Variants in CSTPP1 observed in about 807,000 individuals in gnomAD.
CSTPP1 encodes UPF0705 protein C11orf49.
the CSTPP1 span, among the ~76,000 whole-genome samples, chr11:47,072,321 G>A: frequency 1.3e-5 from 2 of 152,302 alleles, no homozygotes; most frequent in Admixed American, 6.5e-5. Flanking sequence ...TAGGTTGCAA[G>A]CTGTTTTTCT....
the CSTPP1 span, among the ~76,000 whole-genome samples, chr11:46,943,196 A>ACTTATTAAG: frequency 6.6e-6 from 1 of 152,208 alleles, no homozygotes; most frequent in East Asian, 1.9e-4. Flanking sequence ...AGCAACCGAG[A>ACTTATTAAG]CTTATTAAGA....
At chr11:47,122,615 C>G in the CSTPP1 span, among the ~76,000 whole-genome samples, 1 of 152,070 alleles carries the variant, frequency 6.6e-6, no homozygotes, top group Non-Finnish European at 1.5e-5. Flanking sequence ...CAGAGTCTTG[C>G]TCTGTCACCC....
chr11:47,127,022 A>G, the CSTPP1 span, among the ~76,000 whole-genome samples: 3 of 152,176 alleles, frequency 2.0e-5, no homozygotes, highest in African/African-American at 7.2e-5. Flanking sequence ...GTGGGAATTC[A>G]CTGTGCCAGG....
chr11:47,056,933 A>G, the CSTPP1 span, among the ~76,000 whole-genome samples: 1 of 152,224 alleles, frequency 6.6e-6, no homozygotes, highest in Non-Finnish European at 1.5e-5. Flanking sequence ...AGTGGAAAGT[A>G]ACTCTTCTGG....
At chr11:47,052,472 T>G in the CSTPP1 span, 2 of 1,614,110 alleles carry the variant, frequency 1.2e-6, no homozygotes, top group Non-Finnish European at 1.7e-6. Context: ...GGGTATCATT[T>G]TTACGGGCCT....
the CSTPP1 span, among the ~76,000 whole-genome samples, chr11:46,948,598 A>G: frequency 1.3e-5 from 2 of 152,146 alleles, no homozygotes; most frequent in East Asian, 1.9e-4. Context: ...AAAAAAAGGA[A>G]AGAAGAAATG....
chr11:47,022,613 G>T, the CSTPP1 span, among the ~76,000 whole-genome samples: 6 of 151,734 alleles, frequency 4.0e-5, no homozygotes, highest in Admixed American at 2.0e-4. Flanking sequence ...CAGGTGATCC[G>T]CCTGCCTTGG....
the CSTPP1 span, among the ~76,000 whole-genome samples, chr11:46,944,375 G>C: frequency 6.6e-6 from 1 of 151,436 alleles, no homozygotes; most frequent in African/African-American, 2.4e-5. Flanking sequence ...TATCCTGTTA[G>C]AGCACCTGTG....
chr11:46,991,640 T>G, the CSTPP1 span: 6 of 152,420 alleles, frequency 3.9e-5, no homozygotes, highest in African/African-American at 1.2e-4. Context: ...AATATGACTC[T>G]TCTGGGGGTA....
the CSTPP1 span, among the ~76,000 whole-genome samples, chr11:47,099,562 C>T: frequency 3.3e-5 from 5 of 152,306 alleles, no homozygotes; most frequent in South Asian, 6.2e-4. Context: ...GCAGAGGAGA[C>T]GTCTTTCTTA....
chr11:46,965,481 T>C, the CSTPP1 span, among the ~76,000 whole-genome samples: 1 of 152,130 alleles, frequency 6.6e-6, no homozygotes, highest in African/African-American at 2.4e-5. Flanking sequence ...CGCCTGGGCC[T>C]CCCAAAGTGT....
At chr11:47,158,545 G>A in the CSTPP1 span, among the ~76,000 whole-genome samples, 1 of 151,868 alleles carries the variant, frequency 6.6e-6, no homozygotes, top group African/African-American at 2.4e-5. Flanking sequence ...TTTGTTTTTT[G>A]TTTTATTTTG....
chr11:46,939,875 T>A, the CSTPP1 span, among the ~76,000 whole-genome samples: 1 of 152,146 alleles, frequency 6.6e-6, no homozygotes, highest in African/African-American at 2.4e-5. Context: ...TGTTTTTTCT[T>A]TTCTTTCTTT....
At chr11:47,061,358 A>G in the CSTPP1 span, among the ~76,000 whole-genome samples, 2 of 152,200 alleles carry the variant, frequency 1.3e-5, no homozygotes, top group Non-Finnish European at 2.9e-5. Context: ...TTTTTCTAAA[A>G]TATCTATTGT....
At chr11:47,035,918 G>A in the CSTPP1 span, among the ~76,000 whole-genome samples, 2 of 149,770 alleles carry the variant, frequency 1.3e-5, no homozygotes, top group African/African-American at 4.9e-5. Flanking sequence ...CTGTTCAAAG[G>A]TCAACTGTAT....
chr11:47,102,063 C>T, the CSTPP1 span, among the ~76,000 whole-genome samples: 2 of 152,046 alleles, frequency 1.3e-5, no homozygotes, highest in Non-Finnish European at 2.9e-5. Flanking sequence ...TCTCCTCTTG[C>T]AAGGGAATAT....
At chr11:47,073,556 A>G in the CSTPP1 span, among the ~76,000 whole-genome samples, 18 of 152,104 alleles carry the variant, frequency 1.2e-4, no homozygotes, top group South Asian at 3.7e-3. Context: ...AAACTTAGAA[A>G]GAAAGAAAAG....
chr11:47,106,617 T>C, the CSTPP1 span, among the ~76,000 whole-genome samples: 1 of 150,448 alleles, frequency 6.6e-6, no homozygotes, highest in Non-Finnish European at 1.5e-5. Context: ...CACTCCAGCC[T>C]GGGTGATAGA....
the CSTPP1 span, among the ~76,000 whole-genome samples, chr11:46,979,203 C>A: frequency 6.6e-6 from 1 of 152,120 alleles, no homozygotes; most frequent in Non-Finnish European, 1.5e-5. Context: ...CTGCCTCAGC[C>A]TCCTGAGTAA....
Sources: gnomAD v4.1 joint callset for allele counts (sites outside exome capture counted in the v4.1 genomes callset) on GRCh38, gnomAD v4.1.1 for gene constraint, MANE v1.5 for transcripts, NCBI Gene and HGNC (gene_info 2026-07-23, HGNC 2026-07-21) for gene names.